The following ATP8A2 variants were observed in gnomAD, a reference collection of about 807,000 sequenced individuals.
ATP8A2 encodes the protein phospholipid-transporting ATPase IB.
ATP8A2 carries 100 observed loss-of-function variants against 165.6 expected under a neutral mutation model. The ratio of observed to expected loss-of-function variants is 0.60; its 90% CI spans 0.51 to 0.71. The LOEUF (loss-of-function observed/expected upper bound fraction) is 0.71, where lower values mean the gene tolerates loss of function less well. ATP8A2 is among the 30% of genes least tolerant of loss of function. The pLI, the probability that ATP8A2 is intolerant of heterozygous loss-of-function variation, is 0.00. For synonymous variants in ATP8A2, 543 were observed against 548.8 expected, an observed-to-expected ratio of 0.99 and a Z score of 0.15; for missense variants, 1,227 against 1,479.5, an observed-to-expected ratio of 0.83 and a Z score of 2.80.
intron 33 of ATP8A2, among the ~76,000 whole-genome samples, chr13:25,895,189 A>G (rs1953497070): frequency 6.6e-6 from 1 of 152,144 alleles, no homozygotes; most frequent in South Asian, 2.1e-4. Flanking sequence ...GATAGCTCTT[A>G]TTATTTTGAG....
chr13:25,489,928 T>G (rs2036470879), intron 2 of ATP8A2, among the ~76,000 whole-genome samples: 2 of 152,222 alleles, frequency 1.3e-5, no homozygotes, highest in South Asian at 2.1e-4. Flanking sequence ...CATTTGGGAT[T>G]TAATGTGACA....
In ATP8A2 at chr13:25,836,373, C is replaced by T. The variant is rs905537519; in HGVS notation, c.2755-790C>T. Among the ~76,000 whole-genome samples the T allele has an allele frequency of 2.0e-5, 3 of 152,170 alleles. No homozygotes were observed. In the South Asian group the frequency reaches 6.2e-4, roughly 32 times the overall value. ...CCTCCAAACAGGCATGCTGATGTCT[C>T]AGAGCTTTGTAAGGGGTGCATCTCT... On this transcript the variant is annotated intron_variant, in intron 28 of 36. Coordinates refer to ENST00000381655, the MANE Select transcript of ATP8A2 (RefSeq NM_016529.6).
intron 27 of ATP8A2, among the ~76,000 whole-genome samples, chr13:25,793,296 C>T (rs890787757): frequency 2.0e-5 from 3 of 152,278 alleles, no homozygotes; most frequent in Middle Eastern, 3.4e-3. Context: ...ATGCCTGATT[C>T]TCTGAGTTAT....
Position 25,804,039 on chromosome 13 carries a change from G to A in ATP8A2, c.2680-24079G>A, listed in dbSNP as rs116010604. ...TTATACACAGCAAGGACAAAGAGAT[G>A]AGTTTTTAGAGAAAAAAGCACATTA... On this transcript the variant is annotated intron_variant, in intron 27 of 36. Coordinates refer to ENST00000381655, the MANE Select transcript of ATP8A2 (RefSeq NM_016529.6). 3.0e-3 allele frequency among the ~76,000 whole-genome samples: 458 copies of A among 152,340 alleles called. 5 individuals are homozygous for A. The highest frequency in any genetic ancestry group is 0.01 in the African/African-American group (428 of 41,578).
At chr13:25,564,379 C>G (rs967158845) in intron 16 of ATP8A2, among the ~76,000 whole-genome samples, 3 of 152,098 alleles carry the variant, frequency 2.0e-5, no homozygotes, top group African/African-American at 7.2e-5. Context: ...ATTGCATATC[C>G]TTTGACTAGG....
chr13:25,534,291 G>T (rs1046154532), intron 6 of ATP8A2: 1 of 497,458 alleles, frequency 2.0e-6, no homozygotes, highest in African/African-American at 2.0e-5. Flanking sequence ...TCAACCTCAC[G>T]TTTGGAAAGG....
intron 35 of ATP8A2, among the ~76,000 whole-genome samples, chr13:25,993,622 G>T (rs943467200): frequency 1.3e-5 from 2 of 152,112 alleles, no homozygotes; most frequent in African/African-American, 2.4e-5. Context: ...CCACTGAATT[G>T]CTTTTGCACC....
intron 24 of ATP8A2, among the ~76,000 whole-genome samples, chr13:25,654,370 A>G (rs529796070): frequency 6.6e-6 from 1 of 152,058 alleles, no homozygotes; most frequent in Non-Finnish European, 1.5e-5. Flanking sequence ...ATGCCTGACT[A>G]ATATTTGTAA....
chr13:25,473,585 A>G (rs1477347667), intron 2 of ATP8A2, among the ~76,000 whole-genome samples: 2 of 152,180 alleles, frequency 1.3e-5, no homozygotes, highest in African/African-American at 2.4e-5. Flanking sequence ...GATTTTTAAT[A>G]TATTCATTGT....
rs1160847430 is a variant in ATP8A2, at chr13:25,699,053, ATAGTATAT to A, written c.2212-118_2212-111del. ...TGTATAAATGTGCAAAGCTGAACTG[ATAGTATAT>A]TTATATTAGAATGGGTGTGTTCTCA... On this transcript the variant is annotated intron_variant, in intron 24 of 36. Transcript: ENST00000381655. 6.6e-6 allele frequency: 5 copies of A among 753,214 alleles called. No individual in the cohort carries two copies. The Admixed American group carries it at 1.3e-4, about 20-fold the overall frequency. 46.7% of individuals were successfully genotyped at this position (753,214 alleles called of 1,614,324 possible).
chr13:25,578,413 C>T (rs1803208908), intron 20 of ATP8A2, among the ~76,000 whole-genome samples: 1 of 152,180 alleles, frequency 6.6e-6, no homozygotes, highest in Non-Finnish European at 1.5e-5. Flanking sequence ...TGCTTAGGAG[C>T]TCCTCCCGTA....
chr13:25,574,816 G>T lies in ATP8A2; in HGVS notation c.1671G>T (p.Gln557His). 6.4e-7 allele frequency: 1 copy of T among 1,564,668 alleles called. No homozygotes were observed. The highest frequency in any genetic ancestry group is 8.8e-7 in the Non-Finnish European group (1 of 1,135,890). Reference protein sequence around the residue: ...PFSVIIEAMGQEQTFGILNVL... With the variant: ...PFSVIIEAMGHEQTFGILNVL... ...TATTTTTCTTCCTTTAGATGGGACA[G>T]GAACAAACATTCGGAATCCTTAATG... Residue 557 changes from glutamine (Q) to histidine (H), a missense_variant, in exon 19 of 37, where the codon CAG becomes CAT. Physicochemically the swap from Gln to His is conservative, Grantham distance 24. Transcript: ENST00000381655.
At chr13:26,013,305 C>T (rs551008304) in intron 36 of ATP8A2, among the ~76,000 whole-genome samples, 1 of 152,302 alleles carries the variant, frequency 6.6e-6, no homozygotes, top group South Asian at 2.1e-4. Flanking sequence ...CGTGCACACG[C>T]CAGCTTTTCC....
At position 25,769,160 on chromosome 13, in the gene ATP8A2, C is replaced by T. The variant is rs751085900; in HGVS notation, c.2499C>T (p.His833=). 5 of 1,614,060 alleles carry T rather than the reference C, an allele frequency of 3.1e-6. No individual in the cohort carries two copies. The highest frequency in any genetic ancestry group is 1.3e-5 in the African/African-American group (1 of 75,050). ...ANDVGMIQTA[H]VGVGISGNEG... ...ATGTCGGGATGATCCAGACAGCCCACGTGGGTGTGGGAATCAGTGGGAATG... is the reference window on the plus strand; with the variant it reads ...ATGTCGGGATGATCCAGACAGCCCATGTGGGTGTGGGAATCAGTGGGAATG... The change falls in exon 26 of 37, where the codon CAC becomes CAT. Residue 833 remains histidine, a synonymous_variant. Transcript: ENST00000381655.
intron 33 of ATP8A2, among the ~76,000 whole-genome samples, chr13:25,934,208 G>C (rs115577576): frequency 2.7e-3 from 415 of 152,336 alleles, no homozygotes; most frequent in African/African-American, 9.8e-3. Context: ...AAAGCAGCCT[G>C]TATAGGATTT....
At chr13:25,724,207 C>G (rs1404075644) in intron 25 of ATP8A2, among the ~76,000 whole-genome samples, 2 of 152,188 alleles carry the variant, frequency 1.3e-5, no homozygotes, top group Admixed American at 1.3e-4. Flanking sequence ...CAATAGAAAA[C>G]TAATGCATTC....
intron 27 of ATP8A2, among the ~76,000 whole-genome samples, chr13:25,788,783 T>C (rs920388026): frequency 2.6e-5 from 4 of 152,246 alleles, no homozygotes; most frequent in Non-Finnish European, 4.4e-5. Flanking sequence ...TTCAGAATAA[T>C]TGGTGCGCTA....
intron 20 of ATP8A2, 58 bp from the exon 21 acceptor site, chr13:25,578,757 T>G: frequency 1.0e-6 from 1 of 966,438 alleles, no homozygotes; most frequent in Non-Finnish European, 1.7e-6. Flanking sequence ...ATGCTTAGTA[T>G]GCTGGCTGGA....
intron 23 of ATP8A2, among the ~76,000 whole-genome samples, chr13:25,587,054 A>G (rs1320821060): frequency 6.6e-6 from 1 of 152,176 alleles, no homozygotes; most frequent in Non-Finnish European, 1.5e-5. Flanking sequence ...CAGTCATTTT[A>G]TGGCCGTCTT....
Sources: allele counts gnomAD v4.1 joint callset (sites outside exome capture counted in the v4.1 genomes callset), GRCh38; gene constraint gnomAD v4.1.1; transcripts MANE v1.5; gene names NCBI Gene and HGNC (gene_info 2026-07-23, HGNC 2026-07-21).